The following ANKRD28 variants were observed in gnomAD, a reference collection of about 807,000 sequenced individuals.
ANKRD28 encodes the protein serine/threonine-protein phosphatase 6 regulatory ankyrin repeat subunit A.
In ANKRD28, 44 loss-of-function variants were observed where a neutral mutation model predicts 126.5. That is an observed-to-expected ratio of 0.35 (90% CI 0.27 to 0.45). The LOEUF is 0.45. Among genes scored for constraint, ANKRD28 ranks in the 20% least tolerant of loss-of-function variants. ANKRD28 has a pLI of 1.00. For missense variants in ANKRD28, 1,110 were observed against 1,316.6 expected, an observed-to-expected ratio of 0.84 and a Z score of 2.43; for synonymous variants, 442 against 468.5, an observed-to-expected ratio of 0.94 and a Z score of 0.73.
chr3:15,759,850 C>CT (rs1232059804), intron 3 of ANKRD28, among the ~76,000 whole-genome samples: 1 of 152,192 alleles, frequency 6.6e-6, no homozygotes, highest in East Asian at 1.9e-4. Flanking sequence ...TCCTTTCTCT[C>CT]TGCTGTGTCC....
In ANKRD28 at chr3:15,685,257, T is replaced by C. The variant is rs1653751059; in HGVS notation, c.2358A>G (p.Gly786=). Residue 786 remains glycine (G), a synonymous_variant, in exon 21 of 28, where the codon GGA becomes GGG. Transcript: ENST00000683139. ...DANPATADNH[G]YTALHWACYN... is the part of the protein sequence containing the mutation. ...AGCAAGCCCAGTGAAGTGCCGTATATCCATGATTGTCTGCTGTGGCTGGAT... is the reference window on the plus strand; with the variant it reads ...AGCAAGCCCAGTGAAGTGCCGTATACCCATGATTGTCTGCTGTGGCTGGAT... 6.2e-7 allele frequency: 1 copy of C among 1,613,924 alleles called. No individual in the cohort carries two copies. Among genetic ancestry groups the C allele is most frequent in the African/African-American group, 1.3e-5 (1 of 74,942 alleles).
At chr3:15,712,758 A>G (rs1216883242) in intron 10 of ANKRD28, among the ~76,000 whole-genome samples, 1 of 152,224 alleles carries the variant, frequency 6.6e-6, no homozygotes, top group Non-Finnish European at 1.5e-5. Context: ...TCTTTATACA[A>G]TAATTCTATA....
intron 1 of ANKRD28, among the ~76,000 whole-genome samples, chr3:15,813,511 A>G (rs1233540384): frequency 6.6e-6 from 1 of 152,224 alleles, no homozygotes; most frequent in Non-Finnish European, 1.5e-5. Flanking sequence ...GTTTGGGATC[A>G]TAAGATATTT....
At chr3:15,836,817 C>T (rs1482427917) in intron 1 of ANKRD28, among the ~76,000 whole-genome samples, 1 of 152,092 alleles carries the variant, frequency 6.6e-6, no homozygotes, top group East Asian at 1.9e-4. Flanking sequence ...TGGCTCACGC[C>T]TGTAATCCCA....
chr3:15,738,792 A>C (rs1311828778), intron 4 of ANKRD28: 1 of 152,214 alleles, frequency 6.6e-6, no homozygotes, highest in Non-Finnish European at 1.5e-5. Flanking sequence ...AAAATTTATG[A>C]GGTGGGAATT....
chr3:15,827,616 A>T (rs1446151986), intron 1 of ANKRD28, among the ~76,000 whole-genome samples: 1 of 152,186 alleles, frequency 6.6e-6, no homozygotes, highest in Non-Finnish European at 1.5e-5. Context: ...CCTCAAAGTA[A>T]GAGCTAAAAC....
chr3:15,785,313 C>T (rs2059724421), intron 2 of ANKRD28, among the ~76,000 whole-genome samples: 1 of 151,998 alleles, frequency 6.6e-6, no homozygotes, highest in South Asian at 2.1e-4. Flanking sequence ...TTCCAAAAGA[C>T]CTATCAGATA....
At chr3:15,856,403 T>C (rs899744218) in intron 1 of ANKRD28, among the ~76,000 whole-genome samples, 1 of 152,212 alleles carries the variant, frequency 6.6e-6, no homozygotes, top group African/African-American at 2.4e-5. Flanking sequence ...CCCTTCTTAC[T>C]AGGGTGTACT....
chr3:15,746,291 C>T (rs2057472150), intron 4 of ANKRD28, among the ~76,000 whole-genome samples: 1 of 152,230 alleles, frequency 6.6e-6, no homozygotes, highest in East Asian at 1.9e-4. Context: ...TGTTCTGGTT[C>T]TCAGGGGGAA....
At chr3:15,832,977 A>AT (rs2061238058) in intron 1 of ANKRD28, among the ~76,000 whole-genome samples, 1 of 152,172 alleles carries the variant, frequency 6.6e-6, no homozygotes, top group African/African-American at 2.4e-5. Flanking sequence ...TGGTATCACT[A>AT]TTTTTAGTTC....
intron 14 of ANKRD28, among the ~76,000 whole-genome samples, chr3:15,704,204 A>C (rs73817069): frequency 6.6e-6 from 1 of 152,104 alleles, no homozygotes; most frequent in Admixed American, 6.5e-5. Context: ...ACATGATGTA[A>C]AATAAAGACA....
At chr3:15,723,125 T>A (rs908688276) in intron 7 of ANKRD28, among the ~76,000 whole-genome samples, 5 of 152,220 alleles carry the variant, frequency 3.3e-5, no homozygotes, top group Non-Finnish European at 7.3e-5. Context: ...TTGCCTCATT[T>A]ATCTAGATCA....
At chr3:15,788,497 T>C (rs2059882745) in intron 2 of ANKRD28, among the ~76,000 whole-genome samples, 1 of 152,152 alleles carries the variant, frequency 6.6e-6, no homozygotes, top group South Asian at 2.1e-4. Flanking sequence ...CCTGTCAATT[T>C]TATAAAACTG....
intron 1 of ANKRD28, among the ~76,000 whole-genome samples, chr3:15,837,164 C>G (rs2061344722): frequency 6.7e-6 from 1 of 148,750 alleles, no homozygotes; most frequent in African/African-American, 2.5e-5. Context: ...ATAGGGAAAT[C>G]AAAAAAATGA....
chr3:15,766,382 CACA>C lies in ANKRD28; in HGVS notation c.202-73_202-71del, dbSNP rs375064198. The C allele has an allele frequency of 4.8e-4, 528 of 1,108,242 alleles. 1 individual carries two copies. Among genetic ancestry groups the C allele is most frequent in the African/African-American group, 2.8e-3 (180 of 64,138 alleles). 68.7% of individuals were successfully genotyped at this position (1,108,242 alleles called of 1,614,324 possible). On this transcript the variant is annotated intron_variant, in intron 2 of 27. Transcript: ENST00000683139. Reference sequence around the variant, plus strand: ...TAATTTTAATAATAGTTTTAATAACCACAACAACAACCCCTCCCCCCACCAAAC... The same window carrying C: ...TAATTTTAATAATAGTTTTAATAACCACAACAACCCCTCCCCCCACCAAAC...
At chr3:15,859,308 C>T (rs1020485880) in intron 1 of ANKRD28, 8 of 1,508,060 alleles carry the variant, frequency 5.3e-6, no homozygotes, top group Non-Finnish European at 7.1e-6. Flanking sequence ...CAGCGGCCCA[C>T]ACCGCCGGTC....
At chr3:15,803,531 C>A (rs986276675) in intron 1 of ANKRD28, among the ~76,000 whole-genome samples, 3 of 151,218 alleles carry the variant, frequency 2.0e-5, no homozygotes, top group African/African-American at 7.3e-5. Context: ...GCAGGAGAAT[C>A]GCTTGAACCT....
At chr3:15,774,156 T>C (rs1056988857) in intron 2 of ANKRD28, among the ~76,000 whole-genome samples, 11 of 152,242 alleles carry the variant, frequency 7.2e-5, no homozygotes, top group African/African-American at 2.4e-4. Context: ...AAAGGAATCA[T>C]AGACCTATTT....
chr3:15,806,920 T>G (rs1000895374), intron 1 of ANKRD28, among the ~76,000 whole-genome samples: 10 of 152,184 alleles, frequency 6.6e-5, no homozygotes, highest in African/African-American at 2.4e-4. Flanking sequence ...AAGCCAAAAA[T>G]AATTTATAAA....
Sources: gnomAD v4.1 joint callset for allele counts (sites outside exome capture counted in the v4.1 genomes callset) on GRCh38, gnomAD v4.1.1 for gene constraint, MANE v1.5 for transcripts, NCBI Gene and HGNC (gene_info 2026-07-23, HGNC 2026-07-21) for gene names.